Variants in SPIDR observed in about 807,000 individuals in gnomAD.
SPIDR encodes DNA repair-scaffolding protein.
Under a neutral mutation model 104.6 loss-of-function variants are expected in SPIDR, and 93 were observed. The observed-to-expected ratio is 0.89, with a 90% CI of 0.75 to 1.06. The LOEUF is 1.06. Among genes scored for constraint, SPIDR ranks in the 50% least tolerant of loss-of-function variants. The probability of loss-of-function intolerance (pLI) is 0.00; values close to 1 mark genes in which losing one functional copy is unlikely to be tolerated. For missense variants in SPIDR, 1,154 were observed against 1,111.2 expected (o/e 1.04, Z -0.55); for synonymous variants, 431 against 416.9 (o/e 1.03, Z -0.41).
intron 8 of SPIDR, among the ~76,000 whole-genome samples, chr8:47,582,094 G>T (rs972663640): frequency 6.6e-6 from 1 of 152,038 alleles, no homozygotes. Flanking sequence ...GCGGGTGCCT[G>T]TAATCTCAGC....
At chr8:47,406,396 A>G (rs1047646954) in intron 6 of SPIDR, among the ~76,000 whole-genome samples, 1 of 152,148 alleles carries the variant, frequency 6.6e-6, no homozygotes, top group Non-Finnish European at 1.5e-5. Context: ...TACCTACTTC[A>G]CGGTGTTGTG....
chr8:47,589,023 T>TG (rs2060648702), intron 8 of SPIDR, among the ~76,000 whole-genome samples: 1 of 93,172 alleles, frequency 1.1e-5, no homozygotes, highest in South Asian at 2.6e-4. Context: ...TTATAGTTTG[T>TG]TTTTTTTTTT....
intron 11 of SPIDR, among the ~76,000 whole-genome samples, chr8:47,692,263 A>G (rs539943061): frequency 3.5e-4 from 54 of 152,176 alleles, no homozygotes; most frequent in Non-Finnish European, 1.6e-4. Flanking sequence ...CCAGCACCCT[A>G]ATTCTGGCAC....
intron 6 of SPIDR, among the ~76,000 whole-genome samples, chr8:47,396,857 G>A (rs1471839606): frequency 6.6e-6 from 1 of 152,204 alleles, no homozygotes; most frequent in Non-Finnish European, 1.5e-5. Context: ...GAGAGTCAGT[G>A]TTCTAGGTGC....
rs367963668 is a variant in SPIDR at position 47,485,620 on chromosome 8, A to C, written c.1097+45078A>C. 3.8e-3 allele frequency among the ~76,000 whole-genome samples: 579 copies of C among 152,298 alleles called. 3 individuals carry two copies. Among genetic ancestry groups the C allele is most frequent in the South Asian group, 0.023 (109 of 4,824 alleles). Reference sequence around the variant, plus strand: ...CACCCCCCAGTAGGGGGAGACTGACACCTAACACCTGACACTTCACCCCTC... The same window carrying C: ...CACCCCCCAGTAGGGGGAGACTGACCCCTAACACCTGACACTTCACCCCTC... On this transcript the variant is annotated intron_variant, in intron 8 of 19. Transcript: ENST00000297423.
intron 11 of SPIDR, among the ~76,000 whole-genome samples, chr8:47,695,096 G>A (rs1025728157): frequency 6.6e-6 from 1 of 151,896 alleles, no homozygotes; most frequent in African/African-American, 2.4e-5. Context: ...ACACATCATG[G>A]GCCTCTAGAA....
At chr8:47,580,299 TGA>T (rs1316107848) in intron 8 of SPIDR, among the ~76,000 whole-genome samples, 2 of 152,222 alleles carry the variant, frequency 1.3e-5, no homozygotes, top group East Asian at 3.8e-4. Context: ...ACAACTAATT[TGA>T]AATTGCTGAA....
At chr8:47,548,335 G>T (rs1188944295) in intron 8 of SPIDR, among the ~76,000 whole-genome samples, 1 of 152,196 alleles carries the variant, frequency 6.6e-6, no homozygotes, top group Admixed American at 6.6e-5. Context: ...AGAATAAATA[G>T]ATGATATCTT....
At chr8:47,596,777 ATACATTG>A (rs2154423990) in intron 9 of SPIDR, among the ~76,000 whole-genome samples, 1 of 152,262 alleles carries the variant, frequency 6.6e-6, no homozygotes, top group South Asian at 2.1e-4. Context: ...TACAACACAA[ATACATTG>A]TACAGCTATA....
chr8:47,677,840 G>C (rs1018474496), intron 11 of SPIDR, among the ~76,000 whole-genome samples: 39 of 152,210 alleles, frequency 2.6e-4, no homozygotes, highest in African/African-American at 9.4e-4. Context: ...AAATTGGTGA[G>C]ATGTTATCTG....
intron 8 of SPIDR, among the ~76,000 whole-genome samples, chr8:47,562,557 G>A (rs770611768): frequency 5.9e-5 from 9 of 152,176 alleles, no homozygotes; most frequent in Non-Finnish European, 8.8e-5. Context: ...CAAAGTCAGC[G>A]GAGAAAAGCT....
At chr8:47,532,133 C>T (rs1279350087) in intron 8 of SPIDR, among the ~76,000 whole-genome samples, 9 of 148,950 alleles carry the variant, frequency 6.0e-5, no homozygotes, top group African/African-American at 1.7e-4. Flanking sequence ...TGCAATGGCG[C>T]GATCTCGGCT....
At chr8:47,650,302 C>G (rs1338502265) in intron 10 of SPIDR, among the ~76,000 whole-genome samples, 1 of 152,162 alleles carries the variant, frequency 6.6e-6, no homozygotes. Flanking sequence ...CACTGCTATA[C>G]ACCAACAATG....
chr8:47,657,121 T>C (rs1263222774), intron 10 of SPIDR, among the ~76,000 whole-genome samples: 1 of 152,228 alleles, frequency 6.6e-6, no homozygotes. Context: ...TTAATGCCAC[T>C]GTGGTACACT....
intron 8 of SPIDR, among the ~76,000 whole-genome samples, chr8:47,570,874 CA>C (rs1253175210): frequency 5.3e-5 from 8 of 152,076 alleles, no homozygotes; most frequent in African/African-American, 1.9e-4. Context: ...GGGCGGATCA[CA>C]AGGTCAGGAG....
chr8:47,550,727 G>A (rs2090313550), intron 8 of SPIDR, among the ~76,000 whole-genome samples: 1 of 152,184 alleles, frequency 6.6e-6, no homozygotes, highest in South Asian at 2.1e-4. Context: ...GGAACAATTT[G>A]ACTTCCTCAT....
chr8:47,528,930 T>TTAAA (rs2085467002), intron 8 of SPIDR, among the ~76,000 whole-genome samples: 1 of 152,110 alleles, frequency 6.6e-6, no homozygotes, highest in African/African-American at 2.4e-5. Context: ...TGCAGGAAGC[T>TTAAA]TAAACACCAA....
chr8:47,731,254 GAAAA>G (rs780100344), intron 19 of SPIDR, among the ~76,000 whole-genome samples: 3 of 131,276 alleles, frequency 2.3e-5, no homozygotes, highest in Non-Finnish European at 4.9e-5. Context: ...CTCCGTCTCA[GAAAA>G]AAAAAAAAAA....
At chr8:47,348,353 T>C (rs62539082) in intron 5 of SPIDR, among the ~76,000 whole-genome samples, 2 of 152,208 alleles carry the variant, frequency 1.3e-5, no homozygotes, top group Non-Finnish European at 2.9e-5. Context: ...GTGCGTAACC[T>C]GACCTTTCTC....
Sources: gnomAD v4.1 joint callset for allele counts (sites outside exome capture counted in the v4.1 genomes callset) on GRCh38, gnomAD v4.1.1 for gene constraint, MANE v1.5 for transcripts, NCBI Gene and HGNC (gene_info 2026-07-23, HGNC 2026-07-21) for gene names.